The following GALNT13 variants were observed in gnomAD, a reference collection of about 807,000 sequenced individuals.
The protein encoded by GALNT13 is UDP-GalNAc:polypeptide N-acetylgalactosaminyltransferase 13.
In GALNT13, 28 loss-of-function variants were observed where a neutral mutation model predicts 64.2. The ratio of observed to expected loss-of-function variants is 0.44; its 90% CI spans 0.32 to 0.60. GALNT13 has a LOEUF of 0.60. Among genes scored for constraint, GALNT13 ranks in the 20% least tolerant of loss-of-function variants. GALNT13 has a pLI of 0.05. For synonymous variants in GALNT13, 214 were observed against 224.6 expected (o/e 0.95, Z 0.42); for missense variants, 577 against 669.8 (o/e 0.86, Z 1.53).
the GALNT13 span, among the ~76,000 whole-genome samples, chr2:153,494,798 T>C: frequency 6.6e-6 from 1 of 152,018 alleles, no homozygotes; most frequent in South Asian, 2.1e-4. Context: ...AAGAAAACTT[T>C]AGCAAAACAA....
At chr2:153,178,285 C>G in the GALNT13 span, among the ~76,000 whole-genome samples, 3 of 152,298 alleles carry the variant, frequency 2.0e-5, no homozygotes, top group African/African-American at 7.2e-5. Context: ...AACCTCCTTA[C>G]CTTTTTTCAT....
the GALNT13 span, among the ~76,000 whole-genome samples, chr2:153,629,452 A>G: frequency 1.3e-5 from 2 of 152,194 alleles, no homozygotes; most frequent in African/African-American, 2.4e-5. Flanking sequence ...CATATGTAGA[A>G]AGCTGAAACT....
the GALNT13 span, among the ~76,000 whole-genome samples, chr2:153,652,393 G>A: frequency 7.2e-5 from 11 of 152,214 alleles, no homozygotes; most frequent in Non-Finnish European, 1.5e-4. Flanking sequence ...GACTGAGGCG[G>A]GAGGATCACC....
the GALNT13 span, among the ~76,000 whole-genome samples, chr2:153,832,960 T>A: frequency 6.6e-6 from 1 of 152,206 alleles, no homozygotes; most frequent in African/African-American, 2.4e-5. Flanking sequence ...ATGGCTTCAA[T>A]TGCCTGTGGT....
intron 9 of GALNT13, among the ~76,000 whole-genome samples, chr2:154,343,584 T>A (rs1305506422): frequency 6.6e-6 from 1 of 152,090 alleles, no homozygotes; most frequent in African/African-American, 2.4e-5. Context: ...GTCAATAAAC[T>A]ACAGGCATGC....
intron 8 of GALNT13, among the ~76,000 whole-genome samples, chr2:154,267,351 C>A (rs1251177281): frequency 6.6e-6 from 1 of 151,996 alleles, no homozygotes; most frequent in Non-Finnish European, 1.5e-5. Context: ...AAAACTTGTG[C>A]TTTTCAGGCC....
At chr2:153,617,618 T>A in the GALNT13 span, among the ~76,000 whole-genome samples, 1 of 151,910 alleles carries the variant, frequency 6.6e-6, no homozygotes, top group Admixed American at 6.6e-5. Context: ...TTGGAAAAGT[T>A]TGGGTAGGAT....
At chr2:153,961,053 A>G (rs943209441) in intron 3 of GALNT13, among the ~76,000 whole-genome samples, 1 of 152,200 alleles carries the variant, frequency 6.6e-6, no homozygotes, top group African/African-American at 2.4e-5. Context: ...TCAAATATGT[A>G]TATTTTTGTA....
At chr2:153,256,473 C>T in the GALNT13 span, among the ~76,000 whole-genome samples, 362 of 152,304 alleles carry the variant, frequency 2.4e-3, 2 homozygotes, top group African/African-American at 8.2e-3. Context: ...AGCTCCTCAA[C>T]GTCATTCTCC....
chr2:154,289,536 T>C (rs1230333517), intron 8 of GALNT13, among the ~76,000 whole-genome samples: 2 of 151,710 alleles, frequency 1.3e-5, no homozygotes, highest in Non-Finnish European at 2.9e-5. Flanking sequence ...AACCATCAGA[T>C]CTCATGAGAC....
At chr2:154,405,796 C>A (rs1444900254) in intron 10 of GALNT13, among the ~76,000 whole-genome samples, 2 of 152,004 alleles carry the variant, frequency 1.3e-5, no homozygotes, top group African/African-American at 2.4e-5. Flanking sequence ...AACACTACAT[C>A]CCTGCGAGAG....
chr2:153,617,125 A>G, the GALNT13 span, among the ~76,000 whole-genome samples: 36,693 of 151,822 alleles, frequency 0.24, 5,260 homozygotes, highest in African/African-American at 0.4. Flanking sequence ...GTGACAGTGG[A>G]CAACGTTGTC....
chr2:154,176,534 G>A (rs1434234387), intron 4 of GALNT13, among the ~76,000 whole-genome samples: 1 of 151,944 alleles, frequency 6.6e-6, no homozygotes, highest in Non-Finnish European at 1.5e-5. Context: ...TTACAGGCTT[G>A]AGCCACCACA....
At chr2:154,236,472 G>T (rs896480368) in intron 4 of GALNT13, among the ~76,000 whole-genome samples, 1 of 151,962 alleles carries the variant, frequency 6.6e-6, no homozygotes, top group African/African-American at 2.4e-5. Flanking sequence ...CCAATGTCCA[G>T]CCAAGATTAA....
At chr2:154,197,164 C>T (rs1686923369) in intron 4 of GALNT13, among the ~76,000 whole-genome samples, 1 of 151,676 alleles carries the variant, frequency 6.6e-6, no homozygotes, top group Non-Finnish European at 1.5e-5. Context: ...TGCGGTGAGC[C>T]GAGATCACGT....
the GALNT13 span, among the ~76,000 whole-genome samples, chr2:153,175,338 T>G: frequency 6.6e-6 from 1 of 152,074 alleles, no homozygotes; most frequent in African/African-American, 2.4e-5. Context: ...TGTCGCAGAG[T>G]GGGAAGAGAG....
At chr2:153,288,247 T>A in the GALNT13 span, among the ~76,000 whole-genome samples, 5 of 152,130 alleles carry the variant, frequency 3.3e-5, no homozygotes, top group Non-Finnish European at 7.4e-5. Context: ...TACACAGATA[T>A]TATAAAGAAT....
the GALNT13 span, among the ~76,000 whole-genome samples, chr2:153,400,525 G>T: frequency 2.0e-5 from 3 of 152,130 alleles, no homozygotes; most frequent in African/African-American, 7.2e-5. Flanking sequence ...TGTACCTCTG[G>T]TAGAATTCGG....
At chr2:153,846,868 A>G in the GALNT13 span, among the ~76,000 whole-genome samples, 2 of 152,282 alleles carry the variant, frequency 1.3e-5, no homozygotes, top group South Asian at 4.1e-4. Flanking sequence ...TACAGTTACA[A>G]CATAGCCTAA....
Sources: allele counts gnomAD v4.1 joint callset (sites outside exome capture counted in the v4.1 genomes callset), GRCh38; gene constraint gnomAD v4.1.1; transcripts MANE v1.5; gene names NCBI Gene and HGNC (gene_info 2026-07-23, HGNC 2026-07-21).